The following RND2 variants were observed in gnomAD, a reference collection of about 807,000 sequenced individuals.
RND2 encodes the protein Rho family GTPase 2.
In RND2, 16 loss-of-function variants were observed where a neutral mutation model predicts 25.9. The observed-to-expected ratio is 0.62, with a 90% CI of 0.42 to 0.94. The LOEUF (loss-of-function observed/expected upper bound fraction) is 0.94. Ranked by LOEUF, RND2 falls within the 40% of genes least tolerant of loss-of-function variation. RND2 has a pLI of 0.00. For synonymous variants in RND2, 97 were observed against 118.1 expected (o/e 0.82, Z 1.16); for missense variants, 276 against 305.5 (o/e 0.90, Z 0.72).
At position 43,027,201 on chromosome 17, in the gene RND2, A is replaced by C. The variant is rs2050629833; in HGVS notation, c.209A>C (p.Asn70Thr). The C allele has an allele frequency of 3.1e-6, 5 of 1,605,468 alleles. No homozygotes were observed. Among genetic ancestry groups the C allele is most frequent in the Non-Finnish European group, 4.3e-6 (5 of 1,175,578 alleles). The change falls in exon 3 of 5, where the codon AAT becomes ACT. Residue 70 changes from asparagine to threonine, a missense_variant. Asn to Thr is a moderately conservative substitution (Grantham distance 65, BLOSUM62 0). Transcript: ENST00000587250. ...WDTSGSSYYDNVRPLAYPDSD... is the reference protein window; with the variant it reads ...WDTSGSSYYDTVRPLAYPDSD... ...CCTTCAGGTTCCTCTTACTATGATA[A>C]TGTCCGGCCTCTGGCCTATCCTGAT...
chr17:43,026,440 A>G (rs1038190782), intron 2 of RND2, among the ~76,000 whole-genome samples: 2 of 152,208 alleles, frequency 1.3e-5, no homozygotes, highest in Non-Finnish European at 2.9e-5. Flanking sequence ...ACCTGAGGTC[A>G]GGAGTTTGAG....
At chr17:43,027,383 G>C in intron 3 of RND2, 91 bp downstream of exon 3, 1 of 834,358 alleles carries the variant, frequency 1.2e-6, no homozygotes, top group Admixed American at 2.3e-5. Flanking sequence ...GGGAGTGATG[G>C]CTGGGGTATG....
chr17:43,028,523 T>A lies in RND2; in HGVS notation c.527T>A (p.Val176Glu), dbSNP rs766685470. ...CGCAGCGTCAGGGATGTCTTCCATG[T>A]GGCTACAGTGGCCTCCCTTGGCCGT... is the stretch of plus-strand genomic sequence containing the variant. Reference protein sequence around the residue: ...SERSVRDVFHVATVASLGRGH... With the variant: ...SERSVRDVFHEATVASLGRGH... Residue 176 changes from valine (V) to glutamate (E), a missense_variant, in exon 5 of 5, where the codon GTG becomes GAG. Val to Glu is a moderately radical substitution (Grantham distance 121). Coordinates refer to ENST00000587250, the MANE Select transcript of RND2 (RefSeq NM_005440.5). 20 of 1,614,140 alleles carry A rather than the reference T, an allele frequency of 1.2e-5. No individual in the cohort carries two copies. Among genetic ancestry groups the A allele is most frequent in the African/African-American group, 2.7e-5 (2 of 74,952 alleles).
rs1391837927 is a variant in RND2 at position 43,031,055 on chromosome 17, A to G, written c.*2375A>G. ...AGGATCGCTTGAGGCCAGGAGTTAGAGACTGCAGTGAGCTATGATCATGCC... is the reference window on the plus strand; with the variant it reads ...AGGATCGCTTGAGGCCAGGAGTTAGGGACTGCAGTGAGCTATGATCATGCC... On this transcript the variant is annotated 3_prime_UTR_variant, in exon 5 of 5. Transcript: ENST00000587250. The G allele has an allele frequency of 2.0e-5, 3 of 152,202 alleles. No individual in the cohort carries two copies. Among genetic ancestry groups the G allele is most frequent in the African/African-American group, 7.2e-5 (3 of 41,426 alleles). 9.4% of individuals were successfully genotyped at this position (152,202 alleles called of 1,614,324 possible).
intron 2 of RND2, chr17:43,026,322 A>C (rs748589958): frequency 1.5e-4 from 65 of 432,690 alleles, no homozygotes; most frequent in Admixed American, 4.3e-4. Flanking sequence ...TTAATTTGGA[A>C]CATGTTCCTT....
rs2050647704 is a variant in RND2, at chr17:43,028,837, C to G, written c.*157C>G. The G allele has an allele frequency of 4.0e-6, 4 of 997,722 alleles. No homozygotes were observed. The highest frequency in any genetic ancestry group is 5.7e-6 in the Non-Finnish European group (4 of 695,972). 61.8% of individuals were successfully genotyped at this position (997,722 alleles called of 1,614,324 possible). On this transcript the variant is annotated 3_prime_UTR_variant, in exon 5 of 5. Coordinates refer to ENST00000587250, the MANE Select transcript of RND2 (RefSeq NM_005440.5). Reference sequence around the variant, plus strand: ...GGGGAGCTGGAGGGCAGAAGGGTATCATCGTTTCTCATCTCCTCCTCCCTC... The same window carrying G: ...GGGGAGCTGGAGGGCAGAAGGGTATGATCGTTTCTCATCTCCTCCTCCCTC...
chr17:43,026,026 C>T lies in RND2; in HGVS notation c.169C>T (p.Leu57Phe), dbSNP rs765237092. 6 of 1,612,066 alleles carry T rather than the reference C, an allele frequency of 3.7e-6. No homozygotes were observed. The Admixed American group carries it at 5.0e-5, about 13-fold the overall frequency. ...SFEIDKRRIE[L>F]NMWDTSGSSY... ...TGAGATCGACAAGCGCCGCATTGAG[C>T]TCAACATGTGGGACACTTCAGGTAG... Residue 57 changes from leucine (L) to phenylalanine (F), a missense_variant, in exon 2 of 5, where the codon CTC (leucine) becomes TTC (phenylalanine). Coordinates refer to ENST00000587250, the MANE Select transcript of RND2 (RefSeq NM_005440.5).
rs761497354 is a variant in RND2 at position 43,027,206 on chromosome 17, C to T, written c.214C>T (p.Arg72Trp). 33 of 1,608,842 alleles carry T rather than the reference C, an allele frequency of 2.1e-5. No individual in the cohort carries two copies. The highest frequency in any genetic ancestry group is 3.3e-4 in the Middle Eastern group (2 of 6,068). The change falls in exon 3 of 5, where the codon CGG (arginine) becomes TGG (tryptophan). Residue 72 changes from arginine (R) to tryptophan (W), a missense_variant. Arg to Trp is a moderately radical substitution (Grantham distance 101). Transcript: ENST00000587250. ...TSGSSYYDNV[R>W]PLAYPDSDAV... ...AGGTTCCTCTTACTATGATAATGTC[C>T]GGCCTCTGGCCTATCCTGATTCTGA...
Position 43,027,224 on chromosome 17 carries a change from G to C in RND2, c.232G>C (p.Asp78His), listed in dbSNP as rs1478969090. The C allele has an allele frequency of 1.5e-5, 24 of 1,612,522 alleles. No individual in the cohort carries two copies. Among genetic ancestry groups the C allele is most frequent in the Non-Finnish European group, 1.9e-5 (22 of 1,179,244 alleles). ...TAATGTCCGGCCTCTGGCCTATCCTGATTCTGATGCTGTGCTCATCTGCTT... is the reference window on the plus strand; with the variant it reads ...TAATGTCCGGCCTCTGGCCTATCCTCATTCTGATGCTGTGCTCATCTGCTT... ...YDNVRPLAYP[D>H]SDAVLICFDI... The change falls in exon 3 of 5, where the codon GAT (aspartate) becomes CAT (histidine). Residue 78 changes from aspartate (D) to histidine (H), a missense_variant. Transcript: ENST00000587250.
Position 43,028,010 on chromosome 17 carries a change from C to T in RND2, c.301-51C>T, listed in dbSNP as rs758886424. ...ACTGCTGGCATGGCACAAAGGCTCA[C>T]GCTGTGCCTCCCTCCACCCCTCCAC... On this transcript the variant is annotated intron_variant, in intron 3 of 4. Transcript: ENST00000587250. 1.2e-5 allele frequency: 19 copies of T among 1,572,292 alleles called. No homozygotes were observed. In the Middle Eastern group the frequency reaches 5.0e-4, roughly 42 times the overall value.
chr17:43,025,331 G>C lies in RND2; in HGVS notation c.-17G>C. On this transcript the variant is annotated 5_prime_UTR_variant, in exon 1 of 5. Coordinates refer to ENST00000587250, the MANE Select transcript of RND2 (RefSeq NM_005440.5). ...CGGGAGAGGGGTGGCGTGGGGGACC[G>C]GCGCGTAGCCGGGACCATGGAGGGG... 2 of 1,524,826 alleles carry C rather than the reference G, an allele frequency of 1.3e-6. No homozygotes were observed. The highest frequency in any genetic ancestry group is 1.2e-5 in the South Asian group (1 of 81,996). The allele number at this position is 1,524,826 out of a possible 1,614,324, so 94.5% of individuals were successfully genotyped here.
rs933623795 is a variant in RND2 at position 43,025,960 on chromosome 17, A to G, written c.103A>G (p.Ser35Gly). Reference sequence around the variant, plus strand: ...CATCTGGATCCATCCGTGTCTGCAGAGTTATGTCCCCACCGTGTTTGAGAA... The same window carrying G: ...CATCTGGATCCATCCGTGTCTGCAGGGTTATGTCCCCACCGTGTTTGAGAA... Reference protein sequence around the residue: ...QVFAKDAYPGSYVPTVFENYT... With the variant: ...QVFAKDAYPGGYVPTVFENYT... Residue 35 changes from serine to glycine, a missense_variant and splice_region_variant, in exon 2 of 5, where the codon AGT becomes GGT. By Grantham distance (56) the Ser-to-Gly change is moderately conservative. Coordinates refer to ENST00000587250, the MANE Select transcript of RND2 (RefSeq NM_005440.5). 5.0e-6 allele frequency: 8 copies of G among 1,609,908 alleles called. No individual in the cohort carries two copies. The highest frequency in any genetic ancestry group is 6.8e-6 in the Non-Finnish European group (8 of 1,176,964).
rs563493875 is a variant in RND2 at position 43,025,556 on chromosome 17, G to A, written c.102+107G>A. The A allele has an allele frequency of 9.0e-4, 1,303 of 1,441,858 alleles. 25 individuals carry two copies. The South Asian group carries it at 0.016, about 18-fold the overall frequency. The allele number at this position is 1,441,858 out of a possible 1,614,324, so 89.3% of individuals were successfully genotyped here. A position where few individuals can be genotyped will look rare whatever the true frequency, so the allele number is the denominator to read the frequency against. ...GGTACTCGGGTAACCAGGGACAAGA[G>A]ACAGGGGGTCGGAGGACGCGGGGAG... On this transcript the variant is annotated intron_variant, in intron 1 of 4. Transcript: ENST00000587250.
intron 4 of RND2, 28 bp downstream of exon 4, chr17:43,028,223 C>T: frequency 6.2e-7 from 1 of 1,612,936 alleles, no homozygotes; most frequent in Non-Finnish European, 8.5e-7. Context: ...TGACCTCATC[C>T]CAGCCTAGAC....
rs1297544847 is a variant in RND2 at position 43,031,548 on chromosome 17, TGTATAGCAG to T, written c.*2871_*2879del. The T allele has an allele frequency of 6.6e-6, 1 of 152,178 alleles. No homozygotes were observed. Among genetic ancestry groups the T allele is most frequent in the East Asian group, 1.9e-4 (1 of 5,202 alleles). The allele number at this position is 152,178 out of a possible 1,614,324, so 9.4% of individuals were successfully genotyped here. ...CTCTTTTCCACTTTGGACTTCTCAG[TGTATAGCAG>T]GTTCAAGCCTGCAACCACCAAAGTG... On this transcript the variant is annotated 3_prime_UTR_variant, in exon 5 of 5. Transcript: ENST00000587250.
chr17:43,028,920 G>A lies in RND2; in HGVS notation c.*240G>A, dbSNP rs1404232421. 2.4e-5 allele frequency: 14 copies of A among 580,788 alleles called. No individual in the cohort carries two copies. The South Asian group carries it at 2.5e-4, about 10-fold the overall frequency. The allele number at this position is 580,788 out of a possible 1,614,324, so 36.0% of individuals were successfully genotyped here. A position where few individuals can be genotyped will look rare whatever the true frequency, so the allele number is the denominator to read the frequency against. On this transcript the variant is annotated 3_prime_UTR_variant, in exon 5 of 5. Coordinates refer to ENST00000587250, the MANE Select transcript of RND2 (RefSeq NM_005440.5). ...GGGCTGGCATCTGGGGCATGAACTG[G>A]GATGGGGCAGGTGGGCGTTAGGGAA... is the stretch of plus-strand genomic sequence containing the variant.
At chr17:43,025,563 G>C in intron 1 of RND2, 114 bp downstream of exon 1, 1 of 1,424,156 alleles carries the variant, frequency 7.0e-7, no homozygotes, top group Non-Finnish European at 9.4e-7. Context: ...AGAGACAGGG[G>C]GTCGGAGGAC....
At position 43,025,445 on chromosome 17, in the gene RND2, C is replaced by A. The variant is rs2050612677; in HGVS notation, c.98C>A (p.Pro33His). The A allele has an allele frequency of 6.5e-7, 1 of 1,544,408 alleles. No individual in the cohort carries two copies. Among genetic ancestry groups the A allele is most frequent in the African/African-American group, 1.4e-5 (1 of 71,722 alleles). The change falls in exon 1 of 5, where the codon CCC (proline) becomes CAC (histidine). Residue 33 changes from proline (P) to histidine (H), a missense_variant. By Grantham distance (77) the Pro-to-His change is moderately conservative. Transcript: ENST00000587250. Reference sequence around the variant, plus strand: ...CAGGTGTTCGCCAAGGACGCCTATCCCGGGGTGAGGGACCTGCGTCTTGGG... The same window carrying A: ...CAGGTGTTCGCCAAGGACGCCTATCACGGGGTGAGGGACCTGCGTCTTGGG... ...LLQVFAKDAY[P>H]GSYVPTVFEN...
At chr17:43,027,141 C>G in intron 2 of RND2, 42 bp from the exon 3 acceptor site, 1 of 1,313,706 alleles carries the variant, frequency 7.6e-7, no homozygotes, top group Non-Finnish European at 1.1e-6. Flanking sequence ...CCCTTCCAGG[C>G]CTCCCATCCA....
Sources: gnomAD v4.1 joint callset for allele counts (sites outside exome capture counted in the v4.1 genomes callset) on GRCh38, gnomAD v4.1.1 for gene constraint, MANE v1.5 for transcripts, NCBI Gene and HGNC (gene_info 2026-07-23, HGNC 2026-07-21) for gene names.